GLIS3: variants seen among roughly 807,000 people sequenced by gnomAD.
The protein encoded by GLIS3 is zinc finger protein GLIS3.
Under a neutral mutation model 78.6 loss-of-function variants are expected in GLIS3, and 53 were observed. The ratio of observed to expected loss-of-function variants is 0.67; its 90% confidence interval spans 0.54 to 0.85. The LOEUF is 0.85. Among genes scored for constraint, GLIS3 ranks in the 40% least tolerant of loss-of-function variants. The pLI, the probability that GLIS3 is intolerant of heterozygous loss-of-function variation, is 0.00. For synonymous variants in GLIS3, 684 were observed against 509.9 expected (o/e 1.34, Z -4.60); for missense variants, 1,703 against 1,231.1 (o/e 1.38, Z -5.74).
intron 4 of GLIS3, among the ~76,000 whole-genome samples, chr9:4,041,769 C>T (rs1314846738): frequency 6.6e-6 from 1 of 152,162 alleles, no homozygotes; most frequent in Non-Finnish European, 1.5e-5. Flanking sequence ...AACACCCAAC[C>T]CCACTTCATG....
chr9:4,364,122 G>A, the GLIS3 span, among the ~76,000 whole-genome samples: 1 of 152,128 alleles, frequency 6.6e-6, no homozygotes, highest in Non-Finnish European at 1.5e-5. Flanking sequence ...TCCTTCAGCT[G>A]AATAAAATAT....
chr9:4,453,245 G>C, the GLIS3 span, among the ~76,000 whole-genome samples: 1 of 150,594 alleles, frequency 6.6e-6, no homozygotes, highest in Non-Finnish European at 1.5e-5. Flanking sequence ...TCAGGACATA[G>C]GCATGGGCAA....
intron 4 of GLIS3, among the ~76,000 whole-genome samples, chr9:4,073,565 G>A (rs1036693327): frequency 2.6e-5 from 4 of 152,166 alleles, no homozygotes; most frequent in African/African-American, 7.2e-5. Flanking sequence ...ACAACGCACA[G>A]CTGCAAAGCA....
At chr9:4,471,508 G>T in the GLIS3 span, among the ~76,000 whole-genome samples, 1 of 152,108 alleles carries the variant, frequency 6.6e-6, no homozygotes, top group Non-Finnish European at 1.5e-5. Context: ...AATGGGGAAA[G>T]GATTCCCTAT....
At chr9:4,075,131 G>A (rs937000339) in intron 4 of GLIS3, among the ~76,000 whole-genome samples, 5 of 128,326 alleles carry the variant, frequency 3.9e-5, no homozygotes, top group African/African-American at 2.0e-4. Context: ...ATTTCTGGAG[G>A]AGATGAATAC....
intron 2 of GLIS3, among the ~76,000 whole-genome samples, chr9:4,326,140 A>G (rs1817594928): frequency 1.3e-5 from 2 of 152,268 alleles, no homozygotes; most frequent in East Asian, 1.9e-4. Flanking sequence ...TGTGCATCGA[A>G]CCACCGTGGC....
chr9:4,331,317 C>G (rs967578140), intron 2 of GLIS3, among the ~76,000 whole-genome samples: 2 of 152,066 alleles, frequency 1.3e-5, no homozygotes, highest in Non-Finnish European at 2.9e-5. Flanking sequence ...CTCCTTGTCT[C>G]GTGACATCAA....
the GLIS3 span, among the ~76,000 whole-genome samples, chr9:4,456,879 C>T: frequency 2.6e-5 from 4 of 152,262 alleles, no homozygotes; most frequent in South Asian, 8.3e-4. Context: ...TATCCCAAAA[C>T]AATTGCAATA....
chr9:4,034,874 G>A (rs1050611700), intron 4 of GLIS3: 1 of 152,192 alleles, frequency 6.6e-6, no homozygotes, highest in African/African-American at 2.4e-5. Context: ...GGTGAGTGGT[G>A]AGGGGGACCA....
chr9:4,485,702 TG>T, the GLIS3 span, among the ~76,000 whole-genome samples: 1 of 149,848 alleles, frequency 6.7e-6, no homozygotes, highest in East Asian at 1.9e-4. Flanking sequence ...GATCTACTTT[TG>T]AGACTCCTGC....
chr9:4,365,926 T>C, the GLIS3 span, among the ~76,000 whole-genome samples: 1 of 152,202 alleles, frequency 6.6e-6, no homozygotes, highest in Non-Finnish European at 1.5e-5. Flanking sequence ...GTATTCACAC[T>C]CTAGAGTCTA....
At chr9:4,043,264 T>A (rs559739312) in intron 4 of GLIS3, among the ~76,000 whole-genome samples, 1 of 151,756 alleles carries the variant, frequency 6.6e-6, no homozygotes, top group South Asian at 2.1e-4. Flanking sequence ...TCTGTCAGAA[T>A]TAATTTTTTT....
intron 4 of GLIS3, among the ~76,000 whole-genome samples, chr9:4,086,510 G>A (rs1311459310): frequency 6.6e-6 from 1 of 152,206 alleles, no homozygotes; most frequent in Non-Finnish European, 1.5e-5. Flanking sequence ...TTACATTGGG[G>A]TGAATTCAAT....
chr9:4,217,913 A>G (rs1820995021), intron 2 of GLIS3, among the ~76,000 whole-genome samples: 1 of 152,260 alleles, frequency 6.6e-6, no homozygotes, highest in African/African-American at 2.4e-5. Context: ...TTAATGCAAG[A>G]TGAGGACTTA....
intron 2 of GLIS3, among the ~76,000 whole-genome samples, chr9:4,268,067 A>T (rs1234400447): frequency 1.3e-5 from 2 of 152,126 alleles, no homozygotes; most frequent in Non-Finnish European, 2.9e-5. Flanking sequence ...ACACACACAC[A>T]CTCACACACA....
At chr9:4,227,335 T>C (rs1563789817) in intron 2 of GLIS3, among the ~76,000 whole-genome samples, 1 of 150,220 alleles carries the variant, frequency 6.7e-6, no homozygotes, top group Admixed American at 6.6e-5. Flanking sequence ...GTAAGTAAGT[T>C]ACGCCCACAC....
the GLIS3 span, among the ~76,000 whole-genome samples, chr9:4,380,768 A>C: frequency 6.6e-6 from 1 of 152,342 alleles, no homozygotes; most frequent in East Asian, 1.9e-4. Context: ...AACTGGTAGA[A>C]AGGAGAATGT....
At chr9:4,162,177 G>C (rs1257453930) in intron 2 of GLIS3, among the ~76,000 whole-genome samples, 1 of 152,048 alleles carries the variant, frequency 6.6e-6, no homozygotes, top group Non-Finnish European at 1.5e-5. Flanking sequence ...TATGTCTTCT[G>C]TGTTCACCCT....
upstream of GLIS3, among the ~76,000 whole-genome samples, chr9:4,350,532 T>C (rs1218909441): frequency 6.6e-6 from 1 of 152,214 alleles, no homozygotes; most frequent in Non-Finnish European, 1.5e-5. Flanking sequence ...CTCTCTGAAA[T>C]TTTTAAAAAT....
Sources: allele counts gnomAD v4.1 joint callset (sites outside exome capture counted in the v4.1 genomes callset), GRCh38; gene constraint gnomAD v4.1.1; transcripts MANE v1.5; gene names NCBI Gene and HGNC (gene_info 2026-07-23, HGNC 2026-07-21).